Variants in CASZ1 observed in about 807,000 individuals in gnomAD.
The protein encoded by CASZ1 is zinc finger protein castor homolog 1.
CASZ1 carries 28 observed loss-of-function variants against 135.2 expected under a neutral mutation model. That is an observed-to-expected ratio of 0.21 (90% CI 0.15 to 0.28). The LOEUF (loss-of-function observed/expected upper bound fraction) is 0.28, where lower values mean the gene tolerates loss of function less well. Among genes scored for constraint, CASZ1 ranks in the 10% least tolerant of loss-of-function variants. The probability of loss-of-function intolerance (pLI) is 1.00; values close to 1 mark genes in which losing one functional copy is unlikely to be tolerated. For missense variants in CASZ1, 2,161 were observed against 2,453.3 expected, an observed-to-expected ratio of 0.88 and a Z score of 2.52; for synonymous variants, 1,068 against 1,073.4, an observed-to-expected ratio of 0.99 and a Z score of 0.10.
At chr1:10,673,225 T>A (rs1643464115) in intron 4 of CASZ1, among the ~76,000 whole-genome samples, 1 of 152,178 alleles carries the variant, frequency 6.6e-6, no homozygotes, top group South Asian at 2.1e-4. Context: ...TATGTATAAA[T>A]TTTTTAATAA....
At chr1:10,751,170 C>T (rs949266938) in intron 2 of CASZ1, among the ~76,000 whole-genome samples, 2 of 152,100 alleles carry the variant, frequency 1.3e-5, no homozygotes, top group Non-Finnish European at 2.9e-5. Flanking sequence ...AAGATCTGAG[C>T]TTACAACCTA....
At chr1:10,640,250 G>A (rs1266560920) in intron 20 of CASZ1, among the ~76,000 whole-genome samples, 191 bp from the exon 21 acceptor site, 1 of 152,200 alleles carries the variant, frequency 6.6e-6, no homozygotes, top group African/African-American at 2.4e-5. Context: ...AGGGGTCCTG[G>A]GCTTCCCCTC....
intron 1 of CASZ1, among the ~76,000 whole-genome samples, chr1:10,763,322 C>T (rs1023082069): frequency 7.2e-5 from 11 of 152,162 alleles, no homozygotes; most frequent in Non-Finnish European, 1.2e-4. Context: ...GACGTGGGTC[C>T]GAGTCCCACT....
intron 4 of CASZ1, among the ~76,000 whole-genome samples, chr1:10,675,328 A>AG (rs1386804097): frequency 1.3e-5 from 2 of 152,156 alleles, no homozygotes; most frequent in Admixed American, 1.3e-4. Flanking sequence ...GGACGGGGCC[A>AG]GGGTCGAGCC....
rs887643135 is a variant in CASZ1 at position 10,767,857 on chromosome 1, T to C, written c.-233-7000A>G. Among the ~76,000 whole-genome samples the C allele has an allele frequency of 6.6e-6, 1 of 152,026 alleles. No individual in the cohort carries two copies. The highest frequency in any genetic ancestry group is 1.5e-5 in the Non-Finnish European group (1 of 67,990). ...GGCCCTGTCCACAGCCCTCGGCCCA[T>C]GAGGAGGGCCACGACCCTGGCATCA... On this transcript the variant is annotated intron_variant, in intron 1 of 20. Coordinates refer to ENST00000377022, the MANE Select transcript of CASZ1 (RefSeq NM_001079843.3). The surrounding 1 kb of genome is among the most constrained non-coding windows in gnomAD (Gnocchi z 4.2).
chr1:10,774,051 A>G lies in CASZ1; in HGVS notation c.-233-13194T>C, dbSNP rs1320200411. Among the ~76,000 whole-genome samples the G allele has an allele frequency of 6.6e-6, 1 of 152,150 alleles. No individual in the cohort carries two copies. Among genetic ancestry groups the G allele is most frequent in the African/African-American group, 2.4e-5 (1 of 41,448 alleles). Reference sequence around the variant, plus strand: ...GATCCCAGCACAGAGGTGGGACCTGAGGGAGTGGGCAGGTGCCTGCACAGA... The same window carrying G: ...GATCCCAGCACAGAGGTGGGACCTGGGGGAGTGGGCAGGTGCCTGCACAGA... On this transcript the variant is annotated intron_variant, in intron 1 of 20. Transcript: ENST00000377022. This position sits in a 1 kb window ranked among gnomAD's most constrained non-coding sequence, Gnocchi z 4.4.
At chr1:10,764,139 AG>A (rs1164437400) in intron 1 of CASZ1, among the ~76,000 whole-genome samples, 2 of 152,224 alleles carry the variant, frequency 1.3e-5, no homozygotes, top group Non-Finnish European at 2.9e-5. Context: ...CTGGGATTAC[AG>A]GTGTGAACCA....
rs1024343323 is a variant in CASZ1, at chr1:10,747,276, C to T, written c.-77+13425G>A. On this transcript the variant is annotated intron_variant, in intron 2 of 20. Transcript: ENST00000377022. The surrounding 1 kb of genome is among the most constrained non-coding windows in gnomAD (Gnocchi z 4.3). Reference sequence around the variant, plus strand: ...GCCGTCCTTGGGAAGGTGGGGTCTGCAGAGAGAGGCAGGGTTCTGAATACG... The same window carrying T: ...GCCGTCCTTGGGAAGGTGGGGTCTGTAGAGAGAGGCAGGGTTCTGAATACG... 7.9e-5 allele frequency among the ~76,000 whole-genome samples: 12 copies of T among 152,176 alleles called. No homozygotes were observed. Among genetic ancestry groups the T allele is most frequent in the Non-Finnish European group, 1.6e-4 (11 of 68,030 alleles).
intron 1 of CASZ1, among the ~76,000 whole-genome samples, chr1:10,785,061 C>T (rs5007610): frequency 1.9e-4 from 15 of 79,388 alleles, no homozygotes; most frequent in South Asian, 3.5e-4. Context: ...CTTTCTGTCT[C>T]TCTCTCTCTC....
At chr1:10,686,287 A>C (rs1638584389) in intron 4 of CASZ1, among the ~76,000 whole-genome samples, 1 of 152,230 alleles carries the variant, frequency 6.6e-6, no homozygotes, top group Non-Finnish European at 1.5e-5. Flanking sequence ...GCTTTCTGAT[A>C]AAGTTGGCAG....
chr1:10,711,429 C>T lies in CASZ1; in HGVS notation c.-76-5885G>A, dbSNP rs1156562181. On this transcript the variant is annotated intron_variant, in intron 2 of 20. Transcript: ENST00000377022. The surrounding 1 kb of genome is among the most constrained non-coding windows in gnomAD (Gnocchi z 4.4). ...TTCCATTCCTGTGCTGTTGAGGACT[C>T]GCGGAAATAATGGTTAGCACAGTAG... Among the ~76,000 whole-genome samples, 4 of 152,154 alleles carry T rather than the reference C, an allele frequency of 2.6e-5. No individual in the cohort carries two copies. The highest frequency in any genetic ancestry group is 5.9e-5 in the Non-Finnish European group (4 of 68,028).
In CASZ1 at chr1:10,725,091, T is replaced by C. The variant is rs950567658; in HGVS notation, c.-76-19547A>G. On this transcript the variant is annotated intron_variant, in intron 2 of 20. Transcript: ENST00000377022. The surrounding 1 kb of genome is among the most constrained non-coding windows in gnomAD (Gnocchi z 4.4). Reference sequence around the variant, plus strand: ...AGACGTGCAGGTGGCTGTTCTTCCCTGGAGGGAGGGGGCTTGGGCTCCCCT... The same window carrying C: ...AGACGTGCAGGTGGCTGTTCTTCCCCGGAGGGAGGGGGCTTGGGCTCCCCT... Among the ~76,000 whole-genome samples the C allele has an allele frequency of 6.6e-6, 1 of 152,186 alleles. No homozygotes were observed. Among genetic ancestry groups the C allele is most frequent in the Admixed American group, 6.5e-5 (1 of 15,282 alleles).
intron 20 of CASZ1, 41 bp from the exon 21 acceptor site, chr1:10,640,100 C>A: frequency 6.4e-7 from 1 of 1,566,644 alleles, no homozygotes. Context: ...GAGGGACCCA[C>A]GTGGGCACCA....
intron 3 of CASZ1, among the ~76,000 whole-genome samples, chr1:10,702,217 C>T (rs1365934858): frequency 6.6e-6 from 1 of 152,182 alleles, no homozygotes; most frequent in Non-Finnish European, 1.5e-5. Context: ...GCGGGGTCTT[C>T]ATCACCCTCT....
At position 10,700,078 on chromosome 1, in the gene CASZ1, G is replaced by GACACACACACACACACACACACACACAC. The variant is rs1443024550; in HGVS notation, c.-24+5413_-24+5414insGTGTGTGTGTGTGTGTGTGTGTGTGTGT. The stretch of plus-strand genomic sequence containing the variant: ...AGAGACAGAGAGAGAAAGAGAGATA[G>GACACACACACACACACACACACACACAC]AGACACACACACACACACACACACA... On this transcript the variant is annotated intron_variant, in intron 3 of 20. Transcript: ENST00000377022. This position sits in a 1 kb window ranked among gnomAD's most constrained non-coding sequence, Gnocchi z 4.2. Among the ~76,000 whole-genome samples, 90 of 74,152 alleles carry GACACACACACACACACACACACACACAC rather than the reference G, an allele frequency of 1.2e-3. 1 individual carries two copies. The highest frequency in any genetic ancestry group is 5.0e-3 in the African/African-American group (85 of 17,170). The allele number at this position is 74,152 out of a possible 152,430, so 48.6% of individuals were successfully genotyped here.
intron 2 of CASZ1, among the ~76,000 whole-genome samples, chr1:10,731,934 C>T (rs927140472): frequency 2.0e-5 from 3 of 152,298 alleles, no homozygotes; most frequent in East Asian, 1.9e-4. Flanking sequence ...GTTAACACAT[C>T]ATGGACTTAT....
chr1:10,703,048 G>C (rs1167443473), intron 3 of CASZ1, among the ~76,000 whole-genome samples: 1 of 151,454 alleles, frequency 6.6e-6, no homozygotes, highest in African/African-American at 2.4e-5. Flanking sequence ...GGAAATAGAG[G>C]GATGCAGAGA....
At chr1:10,764,928 T>G (rs980767357) in intron 1 of CASZ1, among the ~76,000 whole-genome samples, 9 of 152,182 alleles carry the variant, frequency 5.9e-5, no homozygotes, top group African/African-American at 2.2e-4. Context: ...CATTGCAACC[T>G]GTCATCTGAC....
chr1:10,771,912 C>CG (rs1640584248), intron 1 of CASZ1, among the ~76,000 whole-genome samples: 1 of 152,184 alleles, frequency 6.6e-6, no homozygotes, highest in African/African-American at 2.4e-5. Context: ...AGCCCCTTGT[C>CG]CCGTCCCAGC....
Sources: gnomAD v4.1 joint callset for allele counts (sites outside exome capture counted in the v4.1 genomes callset) on GRCh38, gnomAD v4.1.1 for gene constraint, Gnocchi (gnomAD v3.1) non-coding constraint, MANE v1.5 for transcripts, NCBI Gene and HGNC (gene_info 2026-07-23, HGNC 2026-07-21) for gene names.